The following MSI2 variants were observed in gnomAD, a reference collection of about 807,000 sequenced individuals.
MSI2 encodes the protein RNA-binding protein Musashi homolog 2.
In MSI2, 17 loss-of-function variants were observed where a neutral mutation model predicts 45.6. The observed-to-expected ratio is 0.37, with a 90% CI of 0.26 to 0.56. The LOEUF (loss-of-function observed/expected upper bound fraction) is 0.56. Among genes scored for constraint, MSI2 ranks in the 20% least tolerant of loss-of-function variants. The pLI is 0.77. For synonymous variants in MSI2, 156 were observed against 158.2 expected (o/e 0.99, Z 0.11); for missense variants, 293 against 444.2 (o/e 0.66, Z 3.06).
chr17:57,337,485 T>C (rs1018939806), intron 5 of MSI2, among the ~76,000 whole-genome samples: 2 of 152,178 alleles, frequency 1.3e-5, no homozygotes, highest in Admixed American at 1.3e-4. Flanking sequence ...CGGCTGGGTG[T>C]CTCAGAGGCT....
rs1332576637 is a variant in MSI2 at position 57,627,677 on chromosome 17, G to A, written c.727+374G>A. The A allele has an allele frequency of 3.3e-5, 9 of 275,660 alleles. No homozygotes were observed. The highest frequency in any genetic ancestry group is 2.3e-4 in the South Asian group (5 of 21,404). 17.1% of individuals were successfully genotyped at this position (275,660 alleles called of 1,614,324 possible). A position where few individuals can be genotyped will look rare whatever the true frequency, so the allele number is the denominator to read the frequency against. On this transcript the variant is annotated intron_variant, in intron 10 of 13. Coordinates refer to ENST00000284073, the MANE Select transcript of MSI2 (RefSeq NM_138962.4). This position sits in a 1 kb window ranked among gnomAD's most constrained non-coding sequence, Gnocchi z 4.6. ...TCTACCACCCCTTGCCCGCCTCCCC[G>A]CTCCCTGTGTCCACCTGCCCAATGT...
At chr17:57,406,256 G>A (rs967203781) in intron 6 of MSI2, among the ~76,000 whole-genome samples, 4 of 151,968 alleles carry the variant, frequency 2.6e-5, no homozygotes, top group Non-Finnish European at 4.4e-5. Context: ...GCGACGAGGC[G>A]GCCTGTTCTG....
Position 57,257,146 on chromosome 17 carries a change from AG to A in MSI2, c.103+11del. On this transcript the variant is annotated intron_variant, in intron 2 of 13. Coordinates refer to ENST00000284073, the MANE Select transcript of MSI2 (RefSeq NM_138962.4). ...GCTGGCAGACCTCACCAGGTAAGGG[AG>A]GGAGGGGGGGACGCCTGGGTCCCCC... is the stretch of plus-strand genomic sequence containing the variant. 1.1e-5 allele frequency: 5 copies of A among 460,904 alleles called. No homozygotes were observed. Among genetic ancestry groups the A allele is most frequent in the Non-Finnish European group, 2.1e-5 (5 of 237,970 alleles). 28.6% of individuals were successfully genotyped at this position (460,904 alleles called of 1,614,324 possible). A position where few individuals can be genotyped will look rare whatever the true frequency, so the allele number is the denominator to read the frequency against.
chr17:57,492,899 G>A (rs936474984), intron 6 of MSI2, among the ~76,000 whole-genome samples: 1 of 152,144 alleles, frequency 6.6e-6, no homozygotes, highest in Non-Finnish European at 1.5e-5. Flanking sequence ...GTCCAGCCTG[G>A]GTTCTCAGTC....
At chr17:57,595,223 T>G (rs992866997) in intron 7 of MSI2, among the ~76,000 whole-genome samples, 1 of 151,874 alleles carries the variant, frequency 6.6e-6, no homozygotes, top group Non-Finnish European at 1.5e-5. Context: ...AGACACAGAG[T>G]TTGAAAAGGA....
chr17:57,554,415 C>T (rs914452991), intron 7 of MSI2, among the ~76,000 whole-genome samples: 3 of 152,190 alleles, frequency 2.0e-5, no homozygotes, highest in African/African-American at 7.2e-5. Flanking sequence ...GCCAGTTGCT[C>T]CAGTGAGGCT....
intron 6 of MSI2, among the ~76,000 whole-genome samples, chr17:57,440,413 C>CGTGTGTGT (rs71139995): frequency 0.096 from 9,987 of 104,498 alleles, 1,069 homozygotes; most frequent in Middle Eastern, 0.13. Flanking sequence ...GTTTGTTATC[C>CGTGTGTGT]GTGTGTGTGT....
At chr17:57,605,971 C>T (rs558636893) in intron 8 of MSI2, among the ~76,000 whole-genome samples, 1 of 152,318 alleles carries the variant, frequency 6.6e-6, no homozygotes, top group African/African-American at 2.4e-5. Flanking sequence ...TTGCAGGTTC[C>T]CAGAAATGAA....
intron 5 of MSI2, among the ~76,000 whole-genome samples, chr17:57,336,360 A>T (rs750947197): frequency 2.2e-4 from 34 of 152,170 alleles, no homozygotes; most frequent in Non-Finnish European, 4.6e-4. Flanking sequence ...AGCGTTTGGA[A>T]ACCTTTCCAC....
intron 10 of MSI2, chr17:57,631,733 C>T (rs1285067365): frequency 7.0e-7 from 1 of 1,420,806 alleles, no homozygotes. Flanking sequence ...CTTTTCCCCA[C>T]TCTGGACTTC....
At chr17:57,599,568 G>C (rs868757584) in intron 8 of MSI2, among the ~76,000 whole-genome samples, 2 of 152,210 alleles carry the variant, frequency 1.3e-5, no homozygotes, top group African/African-American at 4.8e-5. Flanking sequence ...GCACGTAACC[G>C]GGTTTTTAGT....
chr17:57,463,957 A>G (rs1205490059), intron 6 of MSI2, among the ~76,000 whole-genome samples: 1 of 151,474 alleles, frequency 6.6e-6, no homozygotes, highest in Non-Finnish European at 1.5e-5. Flanking sequence ...CACCTTGTCT[A>G]CTTTCACATG....
chr17:57,440,228 G>T (rs1340966174), intron 6 of MSI2, among the ~76,000 whole-genome samples: 1 of 152,134 alleles, frequency 6.6e-6, no homozygotes, highest in African/African-American at 2.4e-5. Context: ...AAGTGAACTG[G>T]GTGGCCAGCT....
At chr17:57,586,168 A>C (rs552867291) in intron 7 of MSI2, among the ~76,000 whole-genome samples, 1 of 152,296 alleles carries the variant, frequency 6.6e-6, no homozygotes, top group East Asian at 1.9e-4. Flanking sequence ...TATAGAGCGC[A>C]CTCGGAATTA....
intron 8 of MSI2, chr17:57,606,407 T>TC (rs1469744162): frequency 1.3e-5 from 2 of 152,254 alleles, no homozygotes; most frequent in African/African-American, 2.4e-5. Flanking sequence ...AGTCAGCTGG[T>TC]CTCAGCTCAG....
At chr17:57,368,937 G>A (rs1340925288) in intron 5 of MSI2, among the ~76,000 whole-genome samples, 2 of 152,218 alleles carry the variant, frequency 1.3e-5, no homozygotes, top group Non-Finnish European at 2.9e-5. Flanking sequence ...TGAAATATCA[G>A]TGTGTCAGCT....
chr17:57,492,424 G>T (rs903803939), intron 6 of MSI2, among the ~76,000 whole-genome samples: 8 of 152,192 alleles, frequency 5.3e-5, no homozygotes, highest in Non-Finnish European at 1.2e-4. Flanking sequence ...CAATACTGAG[G>T]GTTCTCAAAT....
chr17:57,398,259 C>G (rs2083926397), intron 5 of MSI2, among the ~76,000 whole-genome samples: 4 of 152,190 alleles, frequency 2.6e-5, no homozygotes, highest in Admixed American at 6.5e-5. Flanking sequence ...CTGCTGTATA[C>G]CCGCCCGACT....
chr17:57,343,926 G>A (rs1915381463), intron 5 of MSI2, among the ~76,000 whole-genome samples: 1 of 152,188 alleles, frequency 6.6e-6, no homozygotes, highest in Non-Finnish European at 1.5e-5. Context: ...AAGTGTTTTT[G>A]TGTCCTTCTC....
Sources: gnomAD v4.1 joint callset for allele counts (sites outside exome capture counted in the v4.1 genomes callset) on GRCh38, gnomAD v4.1.1 for gene constraint, Gnocchi (gnomAD v3.1) non-coding constraint, MANE v1.5 for transcripts, NCBI Gene and HGNC (gene_info 2026-07-23, HGNC 2026-07-21) for gene names.